RPGRIP1: variants seen among roughly 807,000 people sequenced by gnomAD.
RPGRIP1 encodes RPGR interacting protein 1.
A neutral mutation model predicts 157.9 loss-of-function variants in RPGRIP1; 128 were observed. The ratio of observed to expected loss-of-function variants is 0.81; its 90% CI spans 0.70 to 0.94. The LOEUF is 0.94. RPGRIP1 is among the 40% of genes least tolerant of loss of function. The pLI, the probability that RPGRIP1 is intolerant of heterozygous loss-of-function variation, is 0.00. For missense variants in RPGRIP1, 1,486 were observed against 1,545.8 expected (o/e 0.96, Z 0.65); for synonymous variants, 554 against 571.6 (o/e 0.97, Z 0.44).
intron 1 of RPGRIP1, among the ~76,000 whole-genome samples, chr14:21,287,031 A>T (rs933925123): frequency 6.6e-6 from 1 of 151,734 alleles, no homozygotes; most frequent in African/African-American, 2.4e-5. Flanking sequence ...AAAAGAAAAA[A>T]AAAAGAGGAA....
chr14:21,295,478 A>ATT (rs11342361), intron 3 of RPGRIP1, among the ~76,000 whole-genome samples: 4 of 116,512 alleles, frequency 3.4e-5, no homozygotes, highest in African/African-American at 6.5e-5. Flanking sequence ...TATTTTTGAG[A>ATT]TTTTTTTTTT....
At chr14:21,342,970 G>T in intron 21 of RPGRIP1, 66 bp from the exon 22 acceptor site, 2 of 1,139,172 alleles carry the variant, frequency 1.8e-6, no homozygotes, top group Non-Finnish European at 2.6e-6. Flanking sequence ...TGGGTTAATT[G>T]GATGGCGTAT....
intron 22 of RPGRIP1, 119 bp downstream of exon 22, chr14:21,343,347 G>A (rs1202992995): frequency 2.6e-6 from 2 of 764,724 alleles, no homozygotes; most frequent in South Asian, 1.8e-5. Context: ...TTATTTTATT[G>A]TTCAAAGTGT....
In RPGRIP1 at chr14:21,333,552, G is replaced by T. The variant is rs563414136; in HGVS notation, c.3239-1053G>T. On this transcript the variant is annotated intron_variant, in intron 20 of 24. Transcript: ENST00000400017. ...CATGTTAGGCAGGTCTCATGAAGAAGGCTCATTTCTCCTCTCTCAATGTGG... is the reference window on the plus strand; with the variant it reads ...CATGTTAGGCAGGTCTCATGAAGAATGCTCATTTCTCCTCTCTCAATGTGG... 4.6e-5 allele frequency among the ~76,000 whole-genome samples: 7 copies of T among 152,262 alleles called. No homozygotes were observed. In the South Asian group the frequency reaches 1.5e-3, roughly 32 times the overall value.
chr14:21,288,147 A>C (rs929517355), intron 2 of RPGRIP1, 86 bp downstream of exon 2: 20 of 763,176 alleles, frequency 2.6e-5, no homozygotes, highest in Non-Finnish European at 4.5e-5. Context: ...ACAGAGACTG[A>C]TTTACTTTCA....
intron 7 of RPGRIP1, among the ~76,000 whole-genome samples, chr14:21,308,139 G>A (rs1249211720): frequency 6.6e-6 from 1 of 152,162 alleles, no homozygotes; most frequent in African/African-American, 2.4e-5. Flanking sequence ...CAACCAGAAT[G>A]TGATTAAATT....
chr14:21,350,214 A>T (rs1472472178), intron 24 of RPGRIP1, among the ~76,000 whole-genome samples: 1 of 152,066 alleles, frequency 6.6e-6, no homozygotes. Flanking sequence ...CATCTCTACT[A>T]AAAATACAAA....
At chr14:21,338,267 T>G (rs1884612991) in intron 21 of RPGRIP1, among the ~76,000 whole-genome samples, 1 of 152,208 alleles carries the variant, frequency 6.6e-6, no homozygotes, top group Admixed American at 6.5e-5. Context: ...TTTCATTTGC[T>G]CTATGGTCCC....
Position 21,327,511 on chromosome 14 carries a change from C to T in RPGRIP1, c.2711-112C>T, listed in dbSNP as rs17103550. ...TTATTTAATGGATGTTAATTAATTG[C>T]TGATAAAATATGTTGAAATTAAAAA... is the stretch of plus-strand genomic sequence containing the variant. On this transcript the variant is annotated intron_variant, in intron 17 of 24. Coordinates refer to ENST00000400017, the MANE Select transcript of RPGRIP1 (RefSeq NM_020366.4). 6.8e-3 allele frequency: 5,650 copies of T among 831,822 alleles called. 46 individuals carry two copies. Among genetic ancestry groups the T allele is most frequent in the African/African-American group, 0.034 (1,972 of 58,724 alleles). The allele number at this position is 831,822 out of a possible 1,614,324, so 51.5% of individuals were successfully genotyped here.
intron 3 of RPGRIP1, among the ~76,000 whole-genome samples, chr14:21,300,657 A>G (rs1001068607): frequency 6.7e-6 from 1 of 149,502 alleles, no homozygotes; most frequent in Non-Finnish European, 1.5e-5. Flanking sequence ...ACAAGTCTAT[A>G]TATAATTTTT....
Position 21,325,970 on chromosome 14 carries a change from C to A in RPGRIP1, c.2507C>A (p.Thr836Asn), listed in dbSNP as rs771018578. The A allele has an allele frequency of 2.5e-6, 4 of 1,614,024 alleles. No individual in the cohort carries two copies. In the Admixed American group the frequency reaches 6.7e-5, roughly 27 times the overall value. Residue 836 changes from threonine to asparagine, a missense_variant, in exon 17 of 25, where the codon ACT becomes AAT. Thr to Asn is a moderately conservative substitution (Grantham distance 65). Transcript: ENST00000400017. The stretch of plus-strand genomic sequence containing the variant: ...TTCTTCACCTTTTCTGACCATGACA[C>A]TGCCATCATTCCAGCCAGTAACAAC... ...YRFFTFSDHD[T>N]AIIPASNNPY...
intron 20 of RPGRIP1, among the ~76,000 whole-genome samples, chr14:21,333,952 G>A (rs1357212677): frequency 6.9e-6 from 1 of 144,346 alleles, no homozygotes; most frequent in African/African-American, 2.6e-5. Context: ...TTGAGACAGA[G>A]TCTCTTGTCG....
chr14:21,331,151 C>T (rs148282527), intron 20 of RPGRIP1, among the ~76,000 whole-genome samples: 1,901 of 151,532 alleles, frequency 0.013, 36 homozygotes, highest in African/African-American at 0.044. Context: ...TTAGGTGATC[C>T]GCCCACCTCA....
intron 10 of RPGRIP1, among the ~76,000 whole-genome samples, chr14:21,314,812 A>T (rs995442774): frequency 2.6e-5 from 4 of 152,032 alleles, no homozygotes; most frequent in African/African-American, 9.7e-5. Context: ...GCCTGAGCAC[A>T]GGAGTGTGAG....
At position 21,322,097 on chromosome 14, in the gene RPGRIP1, T is replaced by TC. The variant is rs1594205804; in HGVS notation, c.1762+94dup. The TC allele has an allele frequency of 1.2e-5, 13 of 1,066,458 alleles. No homozygotes were observed. The East Asian group carries it at 3.2e-4, about 26-fold the overall frequency. 66.1% of individuals were successfully genotyped at this position (1,066,458 alleles called of 1,614,324 possible). On this transcript the variant is annotated intron_variant, in intron 14 of 24. Transcript: ENST00000400017. ...GTGTACTTGTCAAGAAGGGTGCCTC[T>TC]CATACCCTTAGCATATGACTTATCC...
In RPGRIP1 at chr14:21,324,935, C is replaced by G; in HGVS notation, c.2080C>G (p.Leu694Val). Reference protein sequence around the residue: ...METDSLFLHYLQEASARLDIH... With the variant: ...METDSLFLHYVQEASARLDIH... ...GACAGATTCGCTTTTCTTACACTAC[C>G]TTCAAGAGGCTTCAGCCCGGCTTGA... is the stretch of plus-strand genomic sequence containing the variant. Residue 694 changes from leucine to valine, a missense_variant, in exon 15 of 25, where the codon CTT becomes GTT. Coordinates refer to ENST00000400017, the MANE Select transcript of RPGRIP1 (RefSeq NM_020366.4). The G allele has an allele frequency of 1.2e-6, 2 of 1,614,034 alleles. No homozygotes were observed. The highest frequency in any genetic ancestry group is 8.5e-7 in the Non-Finnish European group (1 of 1,179,894).
intron 10 of RPGRIP1, among the ~76,000 whole-genome samples, chr14:21,315,438 C>T (rs1274916060): frequency 1.3e-5 from 2 of 149,034 alleles, no homozygotes; most frequent in Non-Finnish European, 3.0e-5. Flanking sequence ...ATCCGGGAGG[C>T]GGAGCTTGCA....
In RPGRIP1 at chr14:21,321,428, G is replaced by T. The variant is rs1468599975; in HGVS notation, c.1611+26G>T. ...GTGCAAGGAAAGATGGTACAGGAAG[G>T]GGATGGATAACAGGAACGTGGGAAC... On this transcript the variant is annotated intron_variant, in intron 13 of 24. Coordinates refer to ENST00000400017, the MANE Select transcript of RPGRIP1 (RefSeq NM_020366.4). 5 of 1,597,320 alleles carry T rather than the reference G, an allele frequency of 3.1e-6. No homozygotes were observed. In the South Asian group the frequency reaches 5.6e-5, roughly 18 times the overall value.
intron 11 of RPGRIP1, among the ~76,000 whole-genome samples, chr14:21,319,137 A>G (rs748889576): frequency 3.3e-5 from 5 of 152,224 alleles, no homozygotes; most frequent in African/African-American, 4.8e-5. Context: ...TTAGGAGCAC[A>G]TGCCAATTAG....
Sources: allele counts gnomAD v4.1 joint callset (sites outside exome capture counted in the v4.1 genomes callset), GRCh38; gene constraint gnomAD v4.1.1; transcripts MANE v1.5; gene names NCBI Gene and HGNC (gene_info 2026-07-23, HGNC 2026-07-21).